ANKRD13C: variants seen among roughly 807,000 people sequenced by gnomAD.
The protein encoded by ANKRD13C is ankyrin repeat domain 13C.
A neutral mutation model predicts 65.5 loss-of-function variants in ANKRD13C; 16 were observed. The ratio of observed to expected loss-of-function variants is 0.24; its 90% confidence interval spans 0.17 to 0.37. The LOEUF (loss-of-function observed/expected upper bound fraction) is 0.37, where lower values mean the gene tolerates loss of function less well. Ranked by LOEUF, ANKRD13C falls within the 10% of genes least tolerant of loss-of-function variation. ANKRD13C has a pLI of 1.00. For synonymous variants in ANKRD13C, 235 were observed against 238.7 expected, an observed-to-expected ratio of 0.98 and a Z score of 0.14; for missense variants, 503 against 655.9, an observed-to-expected ratio of 0.77 and a Z score of 2.55.
At chr1:70,281,015 C>T (rs1361820134) in intron 9 of ANKRD13C, among the ~76,000 whole-genome samples, 1 of 151,872 alleles carries the variant, frequency 6.6e-6, no homozygotes, top group East Asian at 1.9e-4. Flanking sequence ...TTCAGGTTGC[C>T]AGCTGGGGTA....
intron 3 of ANKRD13C, among the ~76,000 whole-genome samples, chr1:70,319,275 G>C (rs889002550): frequency 6.6e-6 from 1 of 151,938 alleles, no homozygotes; most frequent in African/African-American, 2.4e-5. Flanking sequence ...CCCAACACTG[G>C]TCTTTGCCCC....
chr1:70,319,157 G>A (rs554312300), intron 3 of ANKRD13C, among the ~76,000 whole-genome samples: 21 of 152,252 alleles, frequency 1.4e-4, no homozygotes, highest in African/African-American at 4.8e-4. Context: ...AACAAGCCCT[G>A]CTTTGAAGTC....
At chr1:70,282,606 T>C (rs1309722201) in intron 9 of ANKRD13C, among the ~76,000 whole-genome samples, 1 of 152,214 alleles carries the variant, frequency 6.6e-6, no homozygotes, top group Non-Finnish European at 1.5e-5. Flanking sequence ...TTATACATAA[T>C]ACTATGACAT....
chr1:70,326,480 T>C (rs1478957061), intron 2 of ANKRD13C, among the ~76,000 whole-genome samples: 1 of 152,014 alleles, frequency 6.6e-6, no homozygotes, highest in Non-Finnish European at 1.5e-5. Context: ...GTTAAGACAG[T>C]GTAATGTGGG....
rs149085714 is a variant in ANKRD13C, at chr1:70,317,427, G to C, written c.578-1861C>G. On this transcript the variant is annotated intron_variant, in intron 3 of 12. Coordinates refer to ENST00000370944, the MANE Select transcript of ANKRD13C (RefSeq NM_030816.5). Reference sequence around the variant, plus strand: ...TTTTTTCTTAATAAATTTTTTTAAAGACTATTCTTCCTACTTTTGGTTTCA... The same window carrying C: ...TTTTTTCTTAATAAATTTTTTTAAACACTATTCTTCCTACTTTTGGTTTCA... 5.5e-3 allele frequency among the ~76,000 whole-genome samples: 844 copies of C among 152,120 alleles called. 6 individuals are homozygous for C. Among genetic ancestry groups the C allele is most frequent in the African/African-American group, 0.019 (800 of 41,534 alleles).
At position 70,320,481 on chromosome 1, in the gene ANKRD13C, A is replaced by C. The variant is rs186397275; in HGVS notation, c.577+4372T>G. Among the ~76,000 whole-genome samples the C allele has an allele frequency of 3.2e-3, 488 of 151,912 alleles. 4 individuals carry two copies. In the South Asian group the frequency reaches 0.037, roughly 11 times the overall value. ...CCCAAGTAGCTGGGGCCACATACGC[A>C]CATCACCATGCCTGGCTAATTTTTG... On this transcript the variant is annotated intron_variant, in intron 3 of 12. Coordinates refer to ENST00000370944, the MANE Select transcript of ANKRD13C (RefSeq NM_030816.5).
chr1:70,267,433 G>A (rs147937941), intron 12 of ANKRD13C, among the ~76,000 whole-genome samples: 2 of 151,968 alleles, frequency 1.3e-5, no homozygotes, highest in African/African-American at 2.4e-5. Context: ...ACAGTGGCGC[G>A]ATCTTGGCTC....
intron 5 of ANKRD13C, among the ~76,000 whole-genome samples, chr1:70,313,390 T>G (rs1236935585): frequency 2.0e-5 from 3 of 151,864 alleles, no homozygotes; most frequent in Non-Finnish European, 4.4e-5. Flanking sequence ...ATTAGCCAGG[T>G]GTGACGGCAT....
intron 10 of ANKRD13C, among the ~76,000 whole-genome samples, chr1:70,275,814 A>T (rs927122506): frequency 6.6e-6 from 1 of 152,006 alleles, no homozygotes; most frequent in African/African-American, 2.4e-5. Context: ...TACAAAAATT[A>T]GCTGGGCATG....
intron 5 of ANKRD13C, among the ~76,000 whole-genome samples, chr1:70,307,090 A>G (rs979698675): frequency 1.3e-5 from 2 of 152,220 alleles, no homozygotes; most frequent in African/African-American, 4.8e-5. Flanking sequence ...TGTGTGTAAG[A>G]TACGGCAGAT....
At position 70,274,763 on chromosome 1, in the gene ANKRD13C, C is replaced by T; in HGVS notation, c.1351G>A (p.Ala451Thr). 2 of 1,613,900 alleles carry T rather than the reference C, an allele frequency of 1.2e-6. No individual in the cohort carries two copies. Among genetic ancestry groups the T allele is most frequent in the Non-Finnish European group, 1.7e-6 (2 of 1,179,910 alleles). Residue 451 changes from alanine (A) to threonine (T), a missense_variant, in exon 11 of 13, where the codon GCT becomes ACT. This residue lies in a region of ANKRD13C where 300 missense variants were observed against 478.3 expected (regional missense o/e 0.63). Coordinates refer to ENST00000370944, the MANE Select transcript of ANKRD13C (RefSeq NM_030816.5). ...AATTCCTGGCTCATGGCTATCGTAG[C>T]TTTAAACGTTTTCTTACTCTCTTTG... ...VCKESKKTFKATIAMSQEFPL... is the reference protein window; with the variant it reads ...VCKESKKTFKTTIAMSQEFPL...
chr1:70,269,464 C>T (rs2101113141), intron 12 of ANKRD13C, among the ~76,000 whole-genome samples: 1 of 152,290 alleles, frequency 6.6e-6, no homozygotes, highest in East Asian at 1.9e-4. Flanking sequence ...GGTCTCTTAA[C>T]AGTACCTAGA....
At chr1:70,292,703 C>G (rs956289005) in intron 8 of ANKRD13C, among the ~76,000 whole-genome samples, 154 bp from the exon 9 acceptor site, 1 of 152,080 alleles carries the variant, frequency 6.6e-6, no homozygotes, top group African/African-American at 2.4e-5. Context: ...CTAGGTTATA[C>G]AACATATACA....
At chr1:70,316,480 C>T (rs1182272365) in intron 3 of ANKRD13C, among the ~76,000 whole-genome samples, 3 of 150,088 alleles carry the variant, frequency 2.0e-5, no homozygotes, top group Admixed American at 6.7e-5. Context: ...CTCAGGAGTT[C>T]GAGACCAGCC....
chr1:70,329,516 G>A (rs1681691630), intron 2 of ANKRD13C, among the ~76,000 whole-genome samples: 1 of 150,364 alleles, frequency 6.7e-6, no homozygotes, highest in African/African-American at 2.4e-5. Context: ...GTGAGACTCT[G>A]TCTCAAAAAA....
chr1:70,313,861 T>C, intron 4 of ANKRD13C, 71 bp from the exon 5 acceptor site: 4 of 1,142,032 alleles, frequency 3.5e-6, no homozygotes, highest in Non-Finnish European at 5.3e-6. Context: ...AAAATATGGC[T>C]ATTCCTTAAA....
At chr1:70,338,001 A>C (rs1227495470) in intron 1 of ANKRD13C, among the ~76,000 whole-genome samples, 6 of 152,128 alleles carry the variant, frequency 3.9e-5, no homozygotes. Context: ...GAGGAGGCTG[A>C]GGCAGGAGAA....
intron 1 of ANKRD13C, among the ~76,000 whole-genome samples, chr1:70,340,520 T>C (rs1682261500): frequency 1.3e-5 from 2 of 152,214 alleles, no homozygotes; most frequent in African/African-American, 4.8e-5. Context: ...CTGCAGTTGT[T>C]GGGTTCAGCA....
At chr1:70,274,329 C>T (rs540479100) in intron 11 of ANKRD13C, among the ~76,000 whole-genome samples, 1 of 151,760 alleles carries the variant, frequency 6.6e-6, no homozygotes, top group East Asian at 2.0e-4. Context: ...CAAAAATTAG[C>T]CGGGCGTGGT....
Sources: gnomAD v4.1 joint callset for allele counts (sites outside exome capture counted in the v4.1 genomes callset) on GRCh38, gnomAD v4.1.1 for gene constraint, gnomAD v4.1.1 regional missense constraint, MANE v1.5 for transcripts, NCBI Gene and HGNC (gene_info 2026-07-23, HGNC 2026-07-21) for gene names.